Variants in GAN observed in about 807,000 individuals in gnomAD.
GAN encodes epididymis secretory sperm binding protein.
GAN carries 48 observed loss-of-function variants against 71.3 expected under a neutral mutation model. The observed-to-expected ratio is 0.67, with a 90% CI of 0.53 to 0.86. GAN has a LOEUF of 0.86. Ranked by LOEUF, GAN falls within the 40% of genes least tolerant of loss-of-function variation. The pLI is 0.00. For synonymous variants in GAN, 386 were observed against 276.8 expected, an observed-to-expected ratio of 1.39 and a Z score of -3.92; for missense variants, 928 against 770.1, an observed-to-expected ratio of 1.21 and a Z score of -2.43.
chr16:81,329,280 G>A (rs1285344075), intron 1 of GAN, among the ~76,000 whole-genome samples: 3 of 151,780 alleles, frequency 2.0e-5, no homozygotes, highest in East Asian at 3.9e-4. Context: ...TTGAACAAAC[G>A]CATCTGTTAA....
Position 81,357,102 on chromosome 16 carries a change from T to C in GAN, c.851+100T>C, listed in dbSNP as rs1910515492. The C allele has an allele frequency of 3.5e-6, 3 of 848,790 alleles. No homozygotes were observed. In the Admixed American group the frequency reaches 5.4e-5, roughly 15 times the overall value. 52.6% of individuals were successfully genotyped at this position (848,790 alleles called of 1,614,324 possible). A position where few individuals can be genotyped will look rare whatever the true frequency, so the allele number is the denominator to read the frequency against. On this transcript the variant is annotated intron_variant, in intron 4 of 10. Transcript: ENST00000648994. ...TGCTTTTCAGTATCTAAAACATAAT[T>C]ACATTTGATTTTTTTTTTTATACTT...
intron 1 of GAN, among the ~76,000 whole-genome samples, chr16:81,316,181 G>T (rs1050273587): frequency 6.6e-6 from 1 of 152,130 alleles, no homozygotes; most frequent in African/African-American, 2.4e-5. Flanking sequence ...TGCAAACTAG[G>T]TTGCTGTTTT....
chr16:81,348,957 C>A (rs1356253624), intron 1 of GAN, among the ~76,000 whole-genome samples: 1 of 152,150 alleles, frequency 6.6e-6, no homozygotes, highest in Non-Finnish European at 1.5e-5. Flanking sequence ...ATTCTGTTAA[C>A]CCTCTCAGTT....
rs945307934 is a variant in GAN at position 81,379,227 on chromosome 16, A to G, written c.*1631A>G. ...CACTTACGTTCTCCCACCCATAGAC[A>G]TAAAAAAGGGTGACCTGTGATTTTT... On this transcript the variant is annotated 3_prime_UTR_variant, in exon 11 of 11. Transcript: ENST00000648994. 6.6e-6 allele frequency: 1 copy of G among 152,186 alleles called. No individual in the cohort carries two copies. Among genetic ancestry groups the G allele is most frequent in the Non-Finnish European group, 1.5e-5 (1 of 68,034 alleles). The allele number at this position is 152,186 out of a possible 1,614,324, so 9.4% of individuals were successfully genotyped here. A position where few individuals can be genotyped will look rare whatever the true frequency, so the allele number is the denominator to read the frequency against.
chr16:81,318,714 C>A (rs920936272), intron 1 of GAN, among the ~76,000 whole-genome samples: 1 of 152,152 alleles, frequency 6.6e-6, no homozygotes, highest in East Asian at 1.9e-4. Flanking sequence ...TGCTGACACC[C>A]TTAGCAATCC....
intron 1 of GAN, among the ~76,000 whole-genome samples, chr16:81,339,021 T>C (rs1426421870): frequency 6.6e-6 from 1 of 152,266 alleles, no homozygotes; most frequent in East Asian, 1.9e-4. Flanking sequence ...CAGAGTAATT[T>C]ATGTCTGTTG....
At chr16:81,319,206 T>TTATATA (rs57681055) in intron 1 of GAN, among the ~76,000 whole-genome samples, 8,815 of 138,532 alleles carry the variant, frequency 0.064, 338 homozygotes, top group African/African-American at 0.094. Flanking sequence ...TAGATATAGA[T>TTATATA]TATATATATA....
intron 6 of GAN, 112 bp from the exon 7 acceptor site, chr16:81,363,682 T>G (rs2150690837): frequency 2.0e-6 from 2 of 1,022,418 alleles, no homozygotes; most frequent in Non-Finnish European, 3.1e-6. Flanking sequence ...GGAGTCCCCA[T>G]TGTCTATTTT....
chr16:81,325,544 A>G lies in GAN; in HGVS notation c.167+10264A>G, dbSNP rs146344806. Among the ~76,000 whole-genome samples, 332 of 152,276 alleles carry G rather than the reference A, an allele frequency of 2.2e-3. 1 individual carries two copies. Among genetic ancestry groups the G allele is most frequent in the African/African-American group, 7.6e-3 (317 of 41,534 alleles). On this transcript the variant is annotated intron_variant, in intron 1 of 10. Coordinates refer to ENST00000648994, the MANE Select transcript of GAN (RefSeq NM_022041.4). The stretch of plus-strand genomic sequence containing the variant: ...GCTAATCATTAAAGACTAGTACCAT[A>G]CTGAAGCCCTACTTTAAGAAGGCAT...
intron 1 of GAN, among the ~76,000 whole-genome samples, chr16:81,351,166 A>C (rs1382064400): frequency 6.6e-6 from 1 of 152,198 alleles, no homozygotes; most frequent in Admixed American, 6.5e-5. Context: ...GGTGGGGAAG[A>C]CCATCTGGTT....
chr16:81,326,754 A>C (rs1251010437), intron 1 of GAN, among the ~76,000 whole-genome samples: 5 of 152,236 alleles, frequency 3.3e-5, no homozygotes, highest in Non-Finnish European at 7.3e-5. Context: ...ACTGTACTGA[A>C]CACTGTAGGC....
intron 5 of GAN, among the ~76,000 whole-genome samples, chr16:81,359,554 CA>C (rs1264779536): frequency 6.6e-6 from 1 of 152,072 alleles, no homozygotes; most frequent in African/African-American, 2.4e-5. Flanking sequence ...ATTAAGTTAG[CA>C]AAGTCCAAAG....
Position 81,382,932 on chromosome 16 carries a change from C to G in GAN, c.*5336C>G, listed in dbSNP as rs1904313047. ...AAATCATACTTCCAGATGGTTTGGT[C>G]TAATGTATACAGTTTAGGAAAGTTT... On this transcript the variant is annotated 3_prime_UTR_variant, in exon 11 of 11. Transcript: ENST00000648994. 6.6e-6 allele frequency: 1 copy of G among 151,910 alleles called. No individual in the cohort carries two copies. Among genetic ancestry groups the G allele is most frequent in the Non-Finnish European group, 1.5e-5 (1 of 67,960 alleles). The allele number at this position is 151,910 out of a possible 1,614,324, so 9.4% of individuals were successfully genotyped here.
rs1420631138 is a variant in GAN at position 81,387,027 on chromosome 16, GTTGGCAAGAACGGATCT to G, written c.*9441_*9457del. ...GGCTGAATAGCCAGGTTCAGACAGT[GTTGGCAAGAACGGATCT>G]TTGGCAAGATCACTTAAGGTGAGCT... On this transcript the variant is annotated 3_prime_UTR_variant, in exon 11 of 11. Transcript: ENST00000648994. 2 of 152,248 alleles carry G rather than the reference GTTGGCAAGAACGGATCT, an allele frequency of 1.3e-5. No individual in the cohort carries two copies. Among genetic ancestry groups the G allele is most frequent in the Admixed American group, 6.5e-5 (1 of 15,288 alleles). 9.4% of individuals were successfully genotyped at this position (152,248 alleles called of 1,614,324 possible).
At chr16:81,351,247 T>C (rs1483400206) in intron 1 of GAN, among the ~76,000 whole-genome samples, 2 of 152,194 alleles carry the variant, frequency 1.3e-5, no homozygotes, top group African/African-American at 4.8e-5. Flanking sequence ...TGTTACATTA[T>C]TGAAGATTAA....
Position 81,357,913 on chromosome 16 carries a change from C to A in GAN, c.955C>A (p.His319Asn), listed in dbSNP as rs779893652. ...CCCTTTAAGCATGCCGAGAATTAAC[C>A]ATGGAGTTCTCTCAGCAGGTACCGT... ...LAPLSMPRINHGVLSAEGFLF... is the reference protein window; with the variant it reads ...LAPLSMPRINNGVLSAEGFLF... Residue 319 changes from histidine to asparagine, a missense_variant, in exon 5 of 11, where the codon CAT becomes AAT. By Grantham distance (68) the His-to-Asn change is moderately conservative (BLOSUM62 1). Coordinates refer to ENST00000648994, the MANE Select transcript of GAN (RefSeq NM_022041.4). 1 of 1,613,690 alleles carries A rather than the reference C, an allele frequency of 6.2e-7. No individual in the cohort carries two copies. The highest frequency in any genetic ancestry group is 1.3e-5 in the African/African-American group (1 of 74,900).
At position 81,379,229 on chromosome 16, in the gene GAN, A is replaced by G. The variant is rs1052147001; in HGVS notation, c.*1633A>G. 3.3e-5 allele frequency: 5 copies of G among 152,160 alleles called. No homozygotes were observed. The highest frequency in any genetic ancestry group is 2.6e-4 in the Admixed American group (4 of 15,266). The allele number at this position is 152,160 out of a possible 1,614,324, so 9.4% of individuals were successfully genotyped here. ...CTTACGTTCTCCCACCCATAGACAT[A>G]AAAAAGGGTGACCTGTGATTTTTTT... is the stretch of plus-strand genomic sequence containing the variant. On this transcript the variant is annotated 3_prime_UTR_variant, in exon 11 of 11. Coordinates refer to ENST00000648994, the MANE Select transcript of GAN (RefSeq NM_022041.4).
rs1424159873 is a variant in GAN at position 81,384,423 on chromosome 16, G to A, written c.*6827G>A. On this transcript the variant is annotated 3_prime_UTR_variant, in exon 11 of 11. Coordinates refer to ENST00000648994, the MANE Select transcript of GAN (RefSeq NM_022041.4). ...TTGAACTTTAAAGAGTCTTTAAAAG[G>A]CTGTTTTCATAATGCAGAAAAGTAG... The A allele has an allele frequency of 6.6e-6, 1 of 152,006 alleles. No individual in the cohort carries two copies. The highest frequency in any genetic ancestry group is 2.4e-5 in the African/African-American group (1 of 41,382). 9.4% of individuals were successfully genotyped at this position (152,006 alleles called of 1,614,324 possible). A position where few individuals can be genotyped will look rare whatever the true frequency, so the allele number is the denominator to read the frequency against.
intron 9 of GAN, among the ~76,000 whole-genome samples, chr16:81,376,544 TATAC>T (rs1904280991): frequency 6.7e-6 from 1 of 149,350 alleles, no homozygotes. Context: ...TGTATATGTA[TATAC>T]ACACATATAC....
Sources: allele counts gnomAD v4.1 joint callset (sites outside exome capture counted in the v4.1 genomes callset), GRCh38; gene constraint gnomAD v4.1.1; transcripts MANE v1.5; gene names NCBI Gene and HGNC (gene_info 2026-07-23, HGNC 2026-07-21).